Variants in SAR1A observed in about 807,000 individuals in gnomAD.
SAR1A encodes the protein small COPII coat GTPase SAR1A.
SAR1A carries 6 observed loss-of-function variants against 22.6 expected under a neutral mutation model. The observed-to-expected ratio is 0.27, with a 90% CI of 0.15 to 0.52. The LOEUF is 0.52. SAR1A is among the 20% of genes least tolerant of loss of function. SAR1A has a pLI of 0.96. For synonymous variants in SAR1A, 70 were observed against 82.2 expected (o/e 0.85, Z 0.80); for missense variants, 145 against 245.1 (o/e 0.59, Z 2.73).
Position 70,161,833 on chromosome 10 carries a change from C to T in SAR1A, c.58+25G>A, listed in dbSNP as rs117659721. The T allele has an allele frequency of 1.9e-6, 3 of 1,612,692 alleles. No individual in the cohort carries two copies. The East Asian group carries it at 6.7e-5, about 36-fold the overall frequency. On this transcript the variant is annotated intron_variant, in intron 2 of 6. Transcript: ENST00000373241. ...GAGGGAAAGGCACAAACTTTGAAAC[C>T]TGTATTTCAAGGAAATGGCTTTACC...
In SAR1A at chr10:70,170,442, G is replaced by T. The variant is rs1038181528; in HGVS notation, c.-46C>A. On this transcript the variant is annotated 5_prime_UTR_variant, in exon 1 of 7. Coordinates refer to ENST00000373241, the MANE Select transcript of SAR1A (RefSeq NM_020150.5). ...TGAGGGGCTCCTCCGGCAAAACAGC[G>T]GCTGGCTCGGACCCTCCCTCAGAGC... 18 of 151,940 alleles carry T rather than the reference G, an allele frequency of 1.2e-4. No homozygotes were observed. Among genetic ancestry groups the T allele is most frequent in the African/African-American group, 4.1e-4 (17 of 41,332 alleles). The allele number at this position is 151,940 out of a possible 1,614,324, so 9.4% of individuals were successfully genotyped here.
chr10:70,162,494 A>G (rs1428660757), intron 1 of SAR1A, among the ~76,000 whole-genome samples: 1 of 37,550 alleles, frequency 2.7e-5, no homozygotes, highest in African/African-American at 1.1e-4. Context: ...GGGGGAGGGG[A>G]GGAGGGGAAG....
intron 1 of SAR1A, among the ~76,000 whole-genome samples, chr10:70,169,700 T>G (rs1468872328): frequency 2.0e-5 from 3 of 152,168 alleles, no homozygotes; most frequent in Non-Finnish European, 4.4e-5. Flanking sequence ...GGGGTAAATG[T>G]CAAAGGTCAG....
intron 4 of SAR1A, 85 bp from the exon 5 acceptor site, chr10:70,157,952 CTTGGTCGGGTTTCAGTAAGA>C (rs1839415679): frequency 1.1e-6 from 1 of 924,908 alleles, no homozygotes; most frequent in African/African-American, 1.7e-5. Context: ...ATGGACAAAT[CTTGGTCGGGTTTCAGTAAGA>C]TTAGACTCTA....
At chr10:70,159,757 C>T (rs932899739) in intron 4 of SAR1A, among the ~76,000 whole-genome samples, 5 of 152,198 alleles carry the variant, frequency 3.3e-5, no homozygotes, top group African/African-American at 1.2e-4. Flanking sequence ...CCCTACTTTC[C>T]CAGAATATTT....
chr10:70,154,762 C>T (rs1839367061), intron 5 of SAR1A, among the ~76,000 whole-genome samples: 1 of 152,126 alleles, frequency 6.6e-6, no homozygotes, highest in Non-Finnish European at 1.5e-5. Flanking sequence ...CGCCCAGCCA[C>T]ATTTATGTTA....
At chr10:70,166,927 G>A (rs1226311348) in intron 1 of SAR1A, 5 of 152,094 alleles carry the variant, frequency 3.3e-5, no homozygotes, top group African/African-American at 1.2e-4. Flanking sequence ...TTGAGCCCAG[G>A]AATTTGAGGC....
intron 1 of SAR1A, chr10:70,164,249 C>T: frequency 1.8e-6 from 1 of 548,370 alleles, no homozygotes; most frequent in Non-Finnish European, 3.3e-6. Flanking sequence ...GTATGGTAAT[C>T]AGGACTTCAT....
At chr10:70,159,682 C>T (rs1839442229) in intron 4 of SAR1A, among the ~76,000 whole-genome samples, 5 of 152,206 alleles carry the variant, frequency 3.3e-5, no homozygotes, top group Admixed American at 3.3e-4. Flanking sequence ...TGTTTCAAAA[C>T]AAGACTTCTC....
At chr10:70,169,886 G>A (rs555258178) in intron 1 of SAR1A, among the ~76,000 whole-genome samples, 4 of 152,196 alleles carry the variant, frequency 2.6e-5, no homozygotes, top group Admixed American at 6.5e-5. Flanking sequence ...GAAGGGAGAA[G>A]GAGAAAATAC....
At chr10:70,155,299 T>C (rs1374418987) in intron 5 of SAR1A, among the ~76,000 whole-genome samples, 2 of 151,896 alleles carry the variant, frequency 1.3e-5, no homozygotes, top group African/African-American at 2.4e-5. Context: ...GAGACCAATG[T>C]CTAAATGATT....
At chr10:70,166,152 T>C (rs1268394005) in intron 1 of SAR1A, among the ~76,000 whole-genome samples, 1 of 152,250 alleles carries the variant, frequency 6.6e-6, no homozygotes, top group Admixed American at 6.5e-5. Context: ...AACTTTTATG[T>C]GCACTAGGAA....
chr10:70,157,696 T>C (rs1229613117), intron 5 of SAR1A, 68 bp downstream of exon 5: 2 of 1,122,854 alleles, frequency 1.8e-6, no homozygotes, highest in Non-Finnish European at 2.6e-6. Context: ...CTATATTCCT[T>C]AAAAAAAAAT....
chr10:70,152,637 TG>T (rs772936998), intron 6 of SAR1A, 45 bp from the exon 7 acceptor site: 2 of 1,233,588 alleles, frequency 1.6e-6, no homozygotes, highest in South Asian at 2.4e-5. Flanking sequence ...ATCTCTGTGG[TG>T]GAAAAGATTG....
intron 1 of SAR1A, among the ~76,000 whole-genome samples, chr10:70,165,981 C>A (rs1009211232): frequency 2.6e-5 from 4 of 152,224 alleles, no homozygotes; most frequent in African/African-American, 9.6e-5. Flanking sequence ...CGTGGAGTAA[C>A]ATGGAGGTAA....
intron 3 of SAR1A, chr10:70,161,310 A>G (rs1839465201): frequency 3.6e-6 from 2 of 551,954 alleles, no homozygotes; most frequent in Non-Finnish European, 6.3e-6. Context: ...AAAGGAATAC[A>G]AGGGTGAAAT....
intron 4 of SAR1A, among the ~76,000 whole-genome samples, chr10:70,158,492 C>T (rs1208480740): frequency 6.6e-6 from 1 of 152,140 alleles, no homozygotes; most frequent in Non-Finnish European, 1.5e-5. Flanking sequence ...ATAAATATTA[C>T]TTGGTTTTTT....
chr10:70,156,452 C>T (rs1839386968), intron 5 of SAR1A, among the ~76,000 whole-genome samples: 1 of 151,974 alleles, frequency 6.6e-6, no homozygotes, highest in Non-Finnish European at 1.5e-5. Flanking sequence ...TCACCTGAAG[C>T]CAGGAGACTG....
At chr10:70,158,761 A>C (rs1478091099) in intron 4 of SAR1A, among the ~76,000 whole-genome samples, 1 of 151,438 alleles carries the variant, frequency 6.6e-6, no homozygotes, top group African/African-American at 2.4e-5. Flanking sequence ...GTTATACAAA[A>C]AAAAAAAAAG....
Sources: allele counts gnomAD v4.1 joint callset (sites outside exome capture counted in the v4.1 genomes callset), GRCh38; gene constraint gnomAD v4.1.1; transcripts MANE v1.5; gene names NCBI Gene and HGNC (gene_info 2026-07-23, HGNC 2026-07-21).